CREB3L3: variants seen among roughly 807,000 people sequenced by gnomAD.
The protein encoded by CREB3L3 is cyclic AMP-responsive element-binding protein 3-like protein 3.
A neutral mutation model predicts 44.6 loss-of-function variants in CREB3L3; 40 were observed. The observed-to-expected ratio is 0.90, with a 90% CI of 0.70 to 1.17. The LOEUF is 1.17. CREB3L3 is among the 50% of genes most tolerant of loss of function. The probability of loss-of-function intolerance (pLI) is 0.00; values close to 1 mark genes in which losing one functional copy is unlikely to be tolerated. For missense variants in CREB3L3, 578 were observed against 595.8 expected (o/e 0.97, Z 0.31); for synonymous variants, 273 against 256.3 (o/e 1.06, Z -0.62).
chr19:4,162,423 GAAC>G (rs1423463905), intron 4 of CREB3L3, among the ~76,000 whole-genome samples: 1 of 144,344 alleles, frequency 6.9e-6, no homozygotes, highest in Non-Finnish European at 1.5e-5. Flanking sequence ...CTGACATACA[GAAC>G]AACGATACAA....
rs1967082214 is a variant in CREB3L3 at position 4,172,627 on chromosome 19, TG to T, written c.*659del. Reference sequence around the variant, plus strand: ...CCCAGACAAACAGACAGACACAGCCTGAAACAGACCCAGACACAGCCTGAAA... The same window carrying T: ...CCCAGACAAACAGACAGACACAGCCTAAACAGACCCAGACACAGCCTGAAA... On this transcript the variant is annotated 3_prime_UTR_variant, in exon 10 of 10. Transcript: ENST00000078445. 6.3e-6 allele frequency: 1 copy of T among 159,016 alleles called. No homozygotes were observed. The allele number at this position is 159,016 out of a possible 1,614,324, so 9.9% of individuals were successfully genotyped here. A position where few individuals can be genotyped will look rare whatever the true frequency, so the allele number is the denominator to read the frequency against.
intron 4 of CREB3L3, among the ~76,000 whole-genome samples, chr19:4,161,644 C>A (rs2041664250): frequency 6.6e-6 from 1 of 152,030 alleles, no homozygotes; most frequent in African/African-American, 2.4e-5. Context: ...TAGGTCAAGG[C>A]CCAGAGAGGT....
rs961379488 is a variant in CREB3L3 at position 4,172,182 on chromosome 19, G to C, written c.*213G>C. On this transcript the variant is annotated 3_prime_UTR_variant, in exon 10 of 10. Coordinates refer to ENST00000078445, the MANE Select transcript of CREB3L3 (RefSeq NM_032607.3). ...AGACACAAGGCAAAGAGGGCCACAG[G>C]ACCCGGGAAATACACACAGAGCCAG... 1 of 611,310 alleles carries C rather than the reference G, an allele frequency of 1.6e-6. No homozygotes were observed. 37.9% of individuals were successfully genotyped at this position (611,310 alleles called of 1,614,324 possible).
Position 4,159,633 on chromosome 19 carries a change from C to T in CREB3L3, c.458-31C>T, listed in dbSNP as rs1190690870. The T allele has an allele frequency of 3.0e-6, 3 of 1,006,764 alleles. No homozygotes were observed. The Admixed American group carries it at 5.1e-5, about 17-fold the overall frequency. 62.4% of individuals were successfully genotyped at this position (1,006,764 alleles called of 1,614,324 possible). ...CAGGACTCCCCCCGTCTGACACTCT[C>T]CCTGTCTCCGTCCCCACCTGCCCTG... is the stretch of plus-strand genomic sequence containing the variant. On this transcript the variant is annotated intron_variant, in intron 3 of 9. Coordinates refer to ENST00000078445, the MANE Select transcript of CREB3L3 (RefSeq NM_032607.3).
At chr19:4,163,099 A>C (rs939197740) in intron 4 of CREB3L3, among the ~76,000 whole-genome samples, 1 of 152,128 alleles carries the variant, frequency 6.6e-6, no homozygotes, top group African/African-American at 2.4e-5. Context: ...CGAGGTCAGG[A>C]GATCGAGACC....
chr19:4,153,681 G>T lies in CREB3L3; in HGVS notation c.-67G>T, dbSNP rs374957915. The stretch of plus-strand genomic sequence containing the variant: ...TTGCCCGGCCCCAGGTAACGCTGGC[G>T]GTGGGTGGGCCTCCAGCTTGGAGCA... On this transcript the variant is annotated 5_prime_UTR_variant, in exon 1 of 10. Transcript: ENST00000078445. 8.8e-6 allele frequency: 14 copies of T among 1,598,462 alleles called. No individual in the cohort carries two copies. The highest frequency in any genetic ancestry group is 1.2e-5 in the Non-Finnish European group (14 of 1,167,538).
At chr19:4,168,286 A>G (rs940391663) in intron 5 of CREB3L3, 65 bp from the exon 6 acceptor site, 2 of 1,271,208 alleles carry the variant, frequency 1.6e-6, no homozygotes, top group Admixed American at 1.7e-5. Flanking sequence ...GGCGAGAGCT[A>G]CTGCCCCCGG....
intron 2 of CREB3L3, among the ~76,000 whole-genome samples, chr19:4,156,506 C>CTTT (rs1019504419): frequency 1.6e-5 from 2 of 121,736 alleles, no homozygotes; most frequent in Non-Finnish European, 3.5e-5. Flanking sequence ...TTCTTTTTTT[C>CTTT]TTTTTTTTTT....
chr19:4,153,633 C>A lies in CREB3L3; in HGVS notation c.-115C>A. The A allele has an allele frequency of 1.6e-6, 2 of 1,289,264 alleles. No individual in the cohort carries two copies. The highest frequency in any genetic ancestry group is 2.4e-5 in the East Asian group (1 of 41,808). 79.9% of individuals were successfully genotyped at this position (1,289,264 alleles called of 1,614,324 possible). On this transcript the variant is annotated 5_prime_UTR_variant, in exon 1 of 10. Coordinates refer to ENST00000078445, the MANE Select transcript of CREB3L3 (RefSeq NM_032607.3). ...CTTCAGCATCTTTTGGGAGTGGTGA[C>A]AGAGCCACAGAGGGCTGTGAGCTTG...
intron 1 of CREB3L3, 83 bp from the exon 2 acceptor site, chr19:4,154,816 G>A: frequency 1.2e-6 from 2 of 1,602,068 alleles, no homozygotes; most frequent in Non-Finnish European, 1.7e-6. Flanking sequence ...ACTCTAGCCG[G>A]AAAGAGCCAG....
intron 6 of CREB3L3, 24 bp from the exon 7 acceptor site, chr19:4,170,116 G>C (rs746729451): frequency 1.9e-6 from 3 of 1,613,186 alleles, no homozygotes; most frequent in Non-Finnish European, 2.5e-6. Flanking sequence ...TATGCTGAAT[G>C]TCGATGCGTC....
In CREB3L3 at chr19:4,155,006, C is replaced by T. The variant is rs746796362; in HGVS notation, c.135C>T (p.Gly45=). 4 of 1,610,050 alleles carry T rather than the reference C, an allele frequency of 2.5e-6. No homozygotes were observed. Among genetic ancestry groups the T allele is most frequent in the East Asian group, 4.5e-5 (2 of 44,876 alleles). ...GILRHVELGE[G]WGHVKDQQVL... ...TGAGACACGTGGAGCTGGGCGAGGGCTGGGGTCACGTCAAGGACCAGGTGA... is the reference window on the plus strand; with the variant it reads ...TGAGACACGTGGAGCTGGGCGAGGGTTGGGGTCACGTCAAGGACCAGGTGA... The change falls in exon 2 of 10, where the codon GGC becomes GGT. Residue 45 remains glycine (G), a synonymous_variant. Coordinates refer to ENST00000078445, the MANE Select transcript of CREB3L3 (RefSeq NM_032607.3).
intron 4 of CREB3L3, among the ~76,000 whole-genome samples, chr19:4,161,413 T>A (rs2145127136): frequency 6.6e-6 from 1 of 152,284 alleles, no homozygotes; most frequent in Non-Finnish European, 1.5e-5. Flanking sequence ...GCGCCCCGCC[T>A]GGGGCTTTTA....
At chr19:4,156,929 G>GA in intron 2 of CREB3L3, 66 bp from the exon 3 acceptor site, 1 of 1,549,950 alleles carries the variant, frequency 6.5e-7, no homozygotes, top group East Asian at 2.2e-5. Context: ...TTTCCCTGGG[G>GA]CCACACACTA....
Position 4,154,892 on chromosome 19 carries a change from G to T in CREB3L3, c.28-7G>T. The T allele has an allele frequency of 6.2e-7, 1 of 1,613,794 alleles. No homozygotes were observed. The highest frequency in any genetic ancestry group is 1.3e-5 in the African/African-American group (1 of 75,056). On this transcript the variant is annotated splice_region_variant and splice_polypyrimidine_tract_variant and intron_variant, in intron 1 of 9. Coordinates refer to ENST00000078445, the MANE Select transcript of CREB3L3 (RefSeq NM_032607.3). ...TGTGACCCTCACATCTGTTCCTCGCGCCCCAGATGGCTTCTGCTGCCTGCT... is the reference window on the plus strand; with the variant it reads ...TGTGACCCTCACATCTGTTCCTCGCTCCCCAGATGGCTTCTGCTGCCTGCT...
At chr19:4,167,288 A>G (rs1966926187) in intron 5 of CREB3L3, among the ~76,000 whole-genome samples, 1 of 150,956 alleles carries the variant, frequency 6.6e-6, no homozygotes, top group Admixed American at 6.7e-5. Context: ...GGTTGCAGTG[A>G]GCTGAGATCT....
At chr19:4,159,441 A>ACACCCGGCCAGGCTAGTTTTT (rs1417672095) in intron 3 of CREB3L3, among the ~76,000 whole-genome samples, 6 of 152,068 alleles carry the variant, frequency 3.9e-5, no homozygotes, top group South Asian at 2.1e-4. Context: ...GTGAGCCACC[A>ACACCCGGCCAGGCTAGTTTTT]TGACTGGCTG....
At chr19:4,158,972 A>C (rs544361385) in intron 3 of CREB3L3, among the ~76,000 whole-genome samples, 1 of 152,132 alleles carries the variant, frequency 6.6e-6, no homozygotes. Context: ...CCAGAGGTGA[A>C]TCAGACCTCG....
intron 5 of CREB3L3, among the ~76,000 whole-genome samples, chr19:4,167,455 AAAG>A (rs139329346): frequency 0.11 from 15,353 of 142,200 alleles, 960 homozygotes; most frequent in East Asian, 0.34. Flanking sequence ...GAAAGGAAGA[AAAG>A]AAGGAAAGAA....
Sources: gnomAD v4.1 joint callset for allele counts (sites outside exome capture counted in the v4.1 genomes callset) on GRCh38, gnomAD v4.1.1 for gene constraint, MANE v1.5 for transcripts, NCBI Gene and HGNC (gene_info 2026-07-23, HGNC 2026-07-21) for gene names.